CBLC: variants seen among roughly 807,000 people sequenced by gnomAD.
CBLC encodes the protein E3 ubiquitin-protein ligase CBL-C.
Under a neutral mutation model 58.6 loss-of-function variants are expected in CBLC, and 46 were observed. The observed-to-expected ratio is 0.79, with a 90% CI of 0.62 to 1.00. The LOEUF (loss-of-function observed/expected upper bound fraction) is 1.00, where lower values mean the gene tolerates loss of function less well. Ranked by LOEUF, CBLC falls within the 50% of genes least tolerant of loss-of-function variation. The pLI, the probability that CBLC is intolerant of heterozygous loss-of-function variation, is 0.00. For synonymous variants in CBLC, 271 were observed against 264.2 expected (o/e 1.03, Z -0.25); for missense variants, 655 against 625.8 (o/e 1.05, Z -0.50).
chr19:44,785,343 T>C (rs879751580), intron 5 of CBLC, among the ~76,000 whole-genome samples: 3 of 151,936 alleles, frequency 2.0e-5, no homozygotes, highest in Admixed American at 6.6e-5. Context: ...TGACCTCCAG[T>C]GATCTTCCCT....
chr19:44,793,396 C>G lies in CBLC; in HGVS notation c.1138-78C>G. 2.1e-6 allele frequency: 3 copies of G among 1,426,188 alleles called. No homozygotes were observed. In the South Asian group the frequency reaches 4.6e-5, roughly 22 times the overall value. The allele number at this position is 1,426,188 out of a possible 1,614,324, so 88.3% of individuals were successfully genotyped here. On this transcript the variant is annotated intron_variant, in intron 7 of 10. Transcript: ENST00000647358. ...GTCTTCCCCACATCAATCTTTTGGG[C>G]GGGGAGCTCCTCGTTGGCCCAAGGG...
chr19:44,788,066 G>T (rs1244251573), intron 5 of CBLC, among the ~76,000 whole-genome samples: 11 of 152,010 alleles, frequency 7.2e-5, no homozygotes, highest in Admixed American at 1.3e-4. Context: ...CAAAGTGCTG[G>T]GGTTACAGGT....
chr19:44,791,266 C>T (rs1307989607), intron 6 of CBLC, among the ~76,000 whole-genome samples: 1 of 150,326 alleles, frequency 6.7e-6, no homozygotes, highest in Non-Finnish European at 1.5e-5. Flanking sequence ...AGATTGCGAC[C>T]CTGCACTTCA....
rs527767369 is a variant in CBLC at position 44,789,082 on chromosome 19, G to A, written c.918-922G>A. Among the ~76,000 whole-genome samples, 10 of 152,266 alleles carry A rather than the reference G, an allele frequency of 6.6e-5. No individual in the cohort carries two copies. The South Asian group carries it at 8.3e-4, about 13-fold the overall frequency. On this transcript the variant is annotated intron_variant, in intron 5 of 10. Coordinates refer to ENST00000647358, the MANE Select transcript of CBLC (RefSeq NM_012116.4). Reference sequence around the variant, plus strand: ...AGCATTGAGGCATGCCAGATAGGCCGAGGAAATGATCCAGGGGGAGACCCA... The same window carrying A: ...AGCATTGAGGCATGCCAGATAGGCCAAGGAAATGATCCAGGGGGAGACCCA...
chr19:44,798,649 A>C (rs566039589), intron 9 of CBLC, among the ~76,000 whole-genome samples: 1 of 152,072 alleles, frequency 6.6e-6, no homozygotes, highest in Non-Finnish European at 1.5e-5. Context: ...TCGCTTGATT[A>C]TCGCTTCCGC....
At chr19:44,793,333 C>T in intron 7 of CBLC, 141 bp from the exon 8 acceptor site, 1 of 930,258 alleles carries the variant, frequency 1.1e-6, no homozygotes, top group East Asian at 2.9e-5. Context: ...CTCTGCTCTC[C>T]ACGACTCTTC....
At chr19:44,795,619 C>T (rs1033884654) in intron 9 of CBLC, among the ~76,000 whole-genome samples, 24 of 151,782 alleles carry the variant, frequency 1.6e-4, no homozygotes, top group African/African-American at 4.8e-4. Context: ...GGCAATATAG[C>T]GGAACCCCGT....
chr19:44,781,265 C>G lies in CBLC; in HGVS notation c.559C>G (p.Pro187Ala). 1 of 1,613,802 alleles carries G rather than the reference C, an allele frequency of 6.2e-7. No homozygotes were observed. Among genetic ancestry groups the G allele is most frequent in the East Asian group, 2.2e-5 (1 of 44,888 alleles). Residue 187 changes from proline to alanine, a missense_variant, in exon 3 of 11, where the codon CCA becomes GCA. By Grantham distance (27) the Pro-to-Ala change is conservative (BLOSUM62 -1). Coordinates refer to ENST00000647358, the MANE Select transcript of CBLC (RefSeq NM_012116.4). ...SLLGTCHPVE[P>A]GCTALALRTT... The stretch of plus-strand genomic sequence containing the variant: ...CCTGGGCACCTGCCACCCTGTGGAA[C>G]CAGGCTGCACAGCCCTGGCCTTGCG...
intron 7 of CBLC, among the ~76,000 whole-genome samples, chr19:44,792,996 A>G (rs1401368699): frequency 6.6e-6 from 1 of 151,988 alleles, no homozygotes; most frequent in African/African-American, 2.4e-5. Context: ...AAAAAAAAAT[A>G]CAAAAATTAG....
intron 9 of CBLC, among the ~76,000 whole-genome samples, 166 bp downstream of exon 9, chr19:44,794,447 C>T (rs1284818733): frequency 6.7e-6 from 1 of 148,578 alleles, no homozygotes; most frequent in Non-Finnish European, 1.5e-5. Flanking sequence ...CATTCCCCCT[C>T]TGGGACTTTC....
intron 1 of CBLC, 26 bp from the exon 2 acceptor site, chr19:44,780,879 G>T (rs1249228762): frequency 3.7e-6 from 6 of 1,606,244 alleles, no homozygotes; most frequent in Non-Finnish European, 5.1e-6. Flanking sequence ...CCCAAGGATA[G>T]CCAGAGTCCT....
intron 5 of CBLC, among the ~76,000 whole-genome samples, chr19:44,784,950 G>GTTTGTTTTTTTT (rs1967850075): frequency 5.8e-5 from 2 of 34,356 alleles, no homozygotes; most frequent in Admixed American, 3.9e-4. Context: ...CTAGACAGGT[G>GTTTGTTTTTTTT]TTTTTTTTTT....
chr19:44,782,789 A>G (rs1967785368), intron 4 of CBLC, among the ~76,000 whole-genome samples: 3 of 152,148 alleles, frequency 2.0e-5, no homozygotes, highest in African/African-American at 7.2e-5. Context: ...GTCATGTTGT[A>G]CCATCTGTTC....
rs369770573 is a variant in CBLC at position 44,794,311 on chromosome 19, G to A, written c.1362+30G>A. ...GTCAGGCGCTGGTCTGAGGTTGGGG[G>A]CTGGGGTCTCACTCACCTCCAGGGT... On this transcript the variant is annotated intron_variant, in intron 9 of 10. Coordinates refer to ENST00000647358, the MANE Select transcript of CBLC (RefSeq NM_012116.4). 39 of 1,606,690 alleles carry A rather than the reference G, an allele frequency of 2.4e-5. No individual in the cohort carries two copies. The African/African-American group carries it at 5.1e-4, about 21-fold the overall frequency.
intron 8 of CBLC, 139 bp from the exon 9 acceptor site, chr19:44,794,065 T>C: frequency 7.1e-7 from 1 of 1,415,758 alleles, no homozygotes; most frequent in Non-Finnish European, 9.4e-7. Flanking sequence ...CCCTCCTAAG[T>C]GTTCATACGT....
intron 8 of CBLC, among the ~76,000 whole-genome samples, chr19:44,793,929 GAAGAGCTGAGGGCCCACACTCC>G (rs1968122085): frequency 1.3e-5 from 2 of 151,934 alleles, no homozygotes; most frequent in African/African-American, 4.8e-5. Flanking sequence ...TCTGAGGGAG[GAAGAGCTGAGGGCCCACACTCC>G]TGGGTTCTAG....
intron 9 of CBLC, among the ~76,000 whole-genome samples, chr19:44,799,720 AAG>A (rs983238696): frequency 6.8e-6 from 1 of 146,220 alleles, no homozygotes; most frequent in African/African-American, 2.5e-5. Context: ...AAGGGAGAGA[AAG>A]AAGGAGGGAG....
intron 8 of CBLC, 107 bp from the exon 9 acceptor site, chr19:44,794,097 T>A: frequency 6.7e-7 from 1 of 1,496,982 alleles, no homozygotes; most frequent in Non-Finnish European, 8.9e-7. Context: ...CTGTTATATC[T>A]TGAGTCTAGA....
At chr19:44,782,271 G>A in intron 3 of CBLC, 99 bp from the exon 4 acceptor site, 4 of 1,542,488 alleles carry the variant, frequency 2.6e-6, no homozygotes, top group Non-Finnish European at 3.5e-6. Flanking sequence ...CCCACCATGG[G>A]TGTGAAGGAG....
Sources: gnomAD v4.1 joint callset for allele counts (sites outside exome capture counted in the v4.1 genomes callset) on GRCh38, gnomAD v4.1.1 for gene constraint, MANE v1.5 for transcripts, NCBI Gene and HGNC (gene_info 2026-07-23, HGNC 2026-07-21) for gene names.